Variants in MYT1L observed in about 807,000 individuals in gnomAD.
MYT1L encodes the protein myelin transcription factor 1 like.
MYT1L carries 12 observed loss-of-function variants against 126.7 expected under a neutral mutation model. The ratio of observed to expected loss-of-function variants is 0.09; its 90% CI spans 0.06 to 0.15. The LOEUF (loss-of-function observed/expected upper bound fraction) is 0.15, where lower values mean the gene tolerates loss of function less well. MYT1L is among the 10% of genes least tolerant of loss of function. The pLI is 1.00. For synonymous variants in MYT1L, 541 were observed against 604.2 expected (o/e 0.90, Z 1.53); for missense variants, 979 against 1,585.2 (o/e 0.62, Z 6.49).
chr2:1,988,084 T>C (rs1019811882), intron 5 of MYT1L, among the ~76,000 whole-genome samples: 1 of 152,186 alleles, frequency 6.6e-6, no homozygotes, highest in Non-Finnish European at 1.5e-5. Context: ...TCTGGTCTTA[T>C]CTTCATGTGC....
intron 1 of MYT1L, among the ~76,000 whole-genome samples, chr2:2,305,224 A>G (rs2095843301): frequency 1.3e-5 from 2 of 152,220 alleles, no homozygotes; most frequent in Middle Eastern, 3.2e-3. Context: ...CAGGCATTTA[A>G]TGTAAAGGAT....
intron 13 of MYT1L, among the ~76,000 whole-genome samples, chr2:1,905,789 C>T (rs576631803): frequency 3.3e-5 from 5 of 152,256 alleles, no homozygotes; most frequent in East Asian, 3.9e-4. Context: ...CAGGTACAAA[C>T]GTGTACTGTT....
At chr2:1,936,302 GA>G (rs1215772678) in intron 9 of MYT1L, among the ~76,000 whole-genome samples, 2 of 152,230 alleles carry the variant, frequency 1.3e-5, no homozygotes, top group African/African-American at 4.8e-5. Context: ...GAAGGTTTAT[GA>G]AAAATAGGAT....
chr2:2,006,953 T>C (rs1214101515), intron 4 of MYT1L, among the ~76,000 whole-genome samples: 2 of 152,174 alleles, frequency 1.3e-5, no homozygotes, highest in East Asian at 1.9e-4. Flanking sequence ...ATCTGACTTA[T>C]ATTACGTAGT....
intron 2 of MYT1L, among the ~76,000 whole-genome samples, chr2:2,222,743 C>T (rs965004399): frequency 6.6e-6 from 1 of 151,816 alleles, no homozygotes; most frequent in Non-Finnish European, 1.5e-5. Flanking sequence ...AGAAGGAATC[C>T]TAAACTGTAG....
intron 4 of MYT1L, among the ~76,000 whole-genome samples, chr2:2,001,237 C>CTTTTTTTTTTTTTTTTTT (rs11389323): frequency 4.8e-5 from 5 of 103,906 alleles, no homozygotes; most frequent in African/African-American, 7.7e-5. Flanking sequence ...TTGGTTTTAG[C>CTTTTTTTTTTTTTTTTTT]TTTTTTTTTT....
In MYT1L at chr2:1,838,542, T is replaced by C. The variant is rs147915169; in HGVS notation, c.3080+607A>G. 1.7e-3 allele frequency among the ~76,000 whole-genome samples: 266 copies of C among 152,202 alleles called. 4 individuals carry two copies. The highest frequency in any genetic ancestry group is 6.1e-3 in the African/African-American group (252 of 41,522). ...CTCAAGGAAGCTGAGGGACGCTGAG[T>C]GTAATGGGTGCCGTCAGCCTTGGAG... On this transcript the variant is annotated intron_variant, in intron 21 of 24. Coordinates refer to ENST00000647738, the MANE Select transcript of MYT1L (RefSeq NM_001303052.2).
chr2:1,946,868 T>C (rs1171165456), intron 8 of MYT1L, among the ~76,000 whole-genome samples: 1 of 152,126 alleles, frequency 6.6e-6, no homozygotes, highest in African/African-American at 2.4e-5. Context: ...ACCAACCTCC[T>C]CGCAGGGCCA....
At chr2:2,166,872 T>G (rs765483317) in intron 3 of MYT1L, among the ~76,000 whole-genome samples, 3 of 152,202 alleles carry the variant, frequency 2.0e-5, no homozygotes, top group African/African-American at 7.2e-5. Context: ...TGCGAAGTCA[T>G]AGTTTTGCTT....
At chr2:2,233,610 G>A (rs1279559217) in intron 2 of MYT1L, among the ~76,000 whole-genome samples, 1 of 152,214 alleles carries the variant, frequency 6.6e-6, no homozygotes, top group African/African-American at 2.4e-5. Flanking sequence ...ATGATACAAT[G>A]AGAACTGGGA....
At chr2:1,996,187 T>C (rs556240148) in intron 5 of MYT1L, among the ~76,000 whole-genome samples, 6 of 152,344 alleles carry the variant, frequency 3.9e-5, no homozygotes, top group Admixed American at 3.3e-4. Flanking sequence ...ATGTGAGTGC[T>C]GCTGTTTATT....
intron 1 of MYT1L, among the ~76,000 whole-genome samples, chr2:2,284,717 T>G (rs979027172): frequency 1.3e-5 from 2 of 151,332 alleles, no homozygotes; most frequent in African/African-American, 4.9e-5. Flanking sequence ...TAATTTTTTG[T>G]TTTTTTTGAG....
intron 1 of MYT1L, among the ~76,000 whole-genome samples, chr2:2,328,938 A>G (rs924715411): frequency 2.0e-5 from 3 of 152,220 alleles, no homozygotes; most frequent in Admixed American, 2.0e-4. Context: ...GGCTTCTCCT[A>G]CTTCTACCTC....
chr2:2,162,556 C>G (rs1265173838), intron 3 of MYT1L, among the ~76,000 whole-genome samples: 2 of 152,100 alleles, frequency 1.3e-5, no homozygotes, highest in Non-Finnish European at 2.9e-5. Flanking sequence ...GTTTCCAGGG[C>G]AGTGGATTGG....
rs1356543383 is a variant in MYT1L at position 1,887,537 on chromosome 2, G to C, written c.2593C>G (p.Pro865Ala). ...TTGCACTGAGGGTACTTGGGTTTGG[G>C]ACTTGGGATGGTCACCTCCCCGGGA... ...RYPGEVTIPS[P>A]KPKYPQCKES... is the part of the protein sequence containing the mutation. Residue 865 changes from proline (P) to alanine (A), a missense_variant, in exon 17 of 25, where the codon CCC becomes GCC. Physicochemically the swap from Pro to Ala is conservative, Grantham distance 27. Around this residue, in one of 12 missense-constraint regions of MYT1L, gnomAD observed 141 missense variants for 170.6 expected, o/e 0.83. Transcript: ENST00000647738. The surrounding 1 kb of genome is among the most constrained non-coding windows in gnomAD (Gnocchi z 4.8). The C allele has an allele frequency of 6.2e-7, 1 of 1,613,856 alleles. No individual in the cohort carries two copies. Among genetic ancestry groups the C allele is most frequent in the African/African-American group, 1.3e-5 (1 of 74,894 alleles).
At chr2:1,918,003 GA>G (rs1408311908) in intron 10 of MYT1L, among the ~76,000 whole-genome samples, 1 of 152,180 alleles carries the variant, frequency 6.6e-6, no homozygotes, top group Non-Finnish European at 1.5e-5. Context: ...GAAGCCACGG[GA>G]GCAGCCTTTT....
intron 1 of MYT1L, among the ~76,000 whole-genome samples, chr2:2,322,185 G>T (rs1463167908): frequency 2.0e-5 from 3 of 149,074 alleles, no homozygotes; most frequent in Admixed American, 6.7e-5. Flanking sequence ...TTCACAATCA[G>T]TGGAAACCCC....
At chr2:2,244,567 G>C (rs2094497177) in intron 2 of MYT1L, among the ~76,000 whole-genome samples, 1 of 152,200 alleles carries the variant, frequency 6.6e-6, no homozygotes, top group South Asian at 2.1e-4. Context: ...GATGAGGCTT[G>C]AAGCCCCTGG....
intron 2 of MYT1L, among the ~76,000 whole-genome samples, chr2:2,175,250 C>T (rs1314439929): frequency 2.0e-5 from 3 of 152,128 alleles, no homozygotes; most frequent in Non-Finnish European, 4.4e-5. Flanking sequence ...GGAAAGAAGC[C>T]AGCTCCTGGT....
Sources: gnomAD v4.1 joint callset for allele counts (sites outside exome capture counted in the v4.1 genomes callset) on GRCh38, gnomAD v4.1.1 for gene constraint, gnomAD v4.1.1 regional missense constraint, Gnocchi (gnomAD v3.1) non-coding constraint, MANE v1.5 for transcripts, NCBI Gene and HGNC (gene_info 2026-07-23, HGNC 2026-07-21) for gene names.